DBT: variants seen among roughly 807,000 people sequenced by gnomAD.
DBT encodes lipoamide acyltransferase component of branched-chain alpha-keto acid dehydrogenase complex, mitochondrial.
DBT carries 40 observed loss-of-function variants against 51.3 expected under a neutral mutation model. The ratio of observed to expected loss-of-function variants is 0.78; its 90% CI spans 0.61 to 1.02. DBT has a LOEUF of 1.02. DBT is among the 50% of genes least tolerant of loss of function. The pLI is 0.00. For synonymous variants in DBT, 181 were observed against 190.4 expected (o/e 0.95, Z 0.41); for missense variants, 510 against 580.2 (o/e 0.88, Z 1.24).
intron 7 of DBT, among the ~76,000 whole-genome samples, chr1:100,211,998 C>A (rs1402350026): frequency 6.6e-6 from 1 of 152,168 alleles, no homozygotes; most frequent in East Asian, 1.9e-4. Flanking sequence ...TCTTGAACTC[C>A]TGAGCTCAAG....
rs1553231037 is a variant in DBT, at chr1:100,218,625, C to T, written c.555+1G>A. 1 of 1,613,798 alleles carries T rather than the reference C, an allele frequency of 6.2e-7. No homozygotes were observed. Among genetic ancestry groups the T allele is most frequent in the Non-Finnish European group, 8.5e-7 (1 of 1,179,822 alleles). On this transcript the variant is annotated splice_donor_variant, in intron 5 of 10. Transcript: ENST00000370132. LOFTEE classifies it high-confidence loss of function. Reference sequence around the variant, plus strand: ...CAGACTTAAATATTAAGAGAACTTACATTGTTTTCCATTGCCAGACGGCGA... The same window carrying T: ...CAGACTTAAATATTAAGAGAACTTATATTGTTTTCCATTGCCAGACGGCGA...
In DBT at chr1:100,235,505, C is replaced by T. The variant is rs199954954; in HGVS notation, c.182G>A (p.Arg61His). ...GAGCTTGAACTGAACAACCTGTCCA[C>T]GGAGAGCTTCAAAGACAAATGAGAA... ...HHFLKTTAAL[R>H]GQVVQFKLSD... Residue 61 changes from arginine to histidine, a missense_variant, in exon 3 of 11, where the codon CGT (arginine) becomes CAT (histidine). Arg to His is a conservative substitution (Grantham distance 29). Transcript: ENST00000370132. 19 of 1,572,652 alleles carry T rather than the reference C, an allele frequency of 1.2e-5. No individual in the cohort carries two copies. The highest frequency in any genetic ancestry group is 6.8e-5 in the African/African-American group (5 of 74,072).
intron 2 of DBT, among the ~76,000 whole-genome samples, chr1:100,240,310 T>C (rs1664134306): frequency 6.6e-6 from 1 of 152,212 alleles, no homozygotes; most frequent in Non-Finnish European, 1.5e-5. Context: ...TGCTGACTAT[T>C]GCACTTAGAT....
At chr1:100,197,311 G>T (rs1661172611) in intron 10 of DBT, among the ~76,000 whole-genome samples, 1 of 152,150 alleles carries the variant, frequency 6.6e-6, no homozygotes, top group Non-Finnish European at 1.5e-5. Flanking sequence ...GCAACTACTT[G>T]TCTTTGATTC....
intron 2 of DBT, among the ~76,000 whole-genome samples, chr1:100,237,754 A>G (rs1346639200): frequency 6.6e-6 from 1 of 152,090 alleles, no homozygotes; most frequent in Non-Finnish European, 1.5e-5. Flanking sequence ...CTCCCACCTC[A>G]GCTAGGACTA....
chr1:100,199,464 A>G (rs982028546), intron 10 of DBT, among the ~76,000 whole-genome samples: 9 of 152,232 alleles, frequency 5.9e-5, no homozygotes, highest in African/African-American at 1.7e-4. Context: ...TTAAGACTCA[A>G]TATCTGTGCC....
intron 2 of DBT, among the ~76,000 whole-genome samples, chr1:100,238,714 G>GC (rs1664045846): frequency 6.6e-6 from 1 of 152,104 alleles, no homozygotes; most frequent in Non-Finnish European, 1.5e-5. Context: ...GTTAAGCTAG[G>GC]CTAGTCTAGC....
At position 100,196,392 on chromosome 1, in the gene DBT, C is replaced by T. The variant is rs1010564612; in HGVS notation, c.1312G>A (p.Val438Ile). ...AIPRFNQKGE[V>I]YKAQIMNVSW... ...ACATTCATTATCTGTGCCTTATATA[C>T]TTCTCCTTTCTGGTTAAATCGGGGA... The change falls in exon 11 of 11, where the codon GTA becomes ATA. Residue 438 changes from valine to isoleucine, a missense_variant. Coordinates refer to ENST00000370132, the MANE Select transcript of DBT (RefSeq NM_001918.5). The T allele has an allele frequency of 2.9e-6, 4 of 1,374,918 alleles. No individual in the cohort carries two copies. The highest frequency in any genetic ancestry group is 3.9e-6 in the Non-Finnish European group (4 of 1,012,808). 85.2% of individuals were successfully genotyped at this position (1,374,918 alleles called of 1,614,324 possible). A position where few individuals can be genotyped will look rare whatever the true frequency, so the allele number is the denominator to read the frequency against.
chr1:100,227,375 C>T (rs1663282786), intron 4 of DBT, among the ~76,000 whole-genome samples: 1 of 152,138 alleles, frequency 6.6e-6, no homozygotes, highest in African/African-American at 2.4e-5. Context: ...ATTTTCTTTC[C>T]AGTAAGAACT....
intron 2 of DBT, among the ~76,000 whole-genome samples, chr1:100,237,715 T>C (rs1446071662): frequency 1.3e-5 from 2 of 152,128 alleles, no homozygotes; most frequent in Non-Finnish European, 2.9e-5. Flanking sequence ...CAGCTCATGA[T>C]AACTTCAAGT....
chr1:100,237,632 AATTT>A (rs1557959613), intron 2 of DBT, among the ~76,000 whole-genome samples: 1 of 152,000 alleles, frequency 6.6e-6, no homozygotes, highest in Non-Finnish European at 1.5e-5. Context: ...AGAAGTATAG[AATTT>A]ATTAATTTAT....
chr1:100,197,177 A>G (rs1661165704), intron 10 of DBT: 1 of 152,360 alleles, frequency 6.6e-6, no homozygotes, highest in Non-Finnish European at 1.5e-5. Flanking sequence ...ACTGCTATAA[A>G]AGTTTCTAAG....
Position 100,195,370 on chromosome 1 carries a change from CA to C in DBT, c.*884del, listed in dbSNP as rs1661030612. The C allele has an allele frequency of 6.6e-6, 1 of 152,506 alleles. No individual in the cohort carries two copies. The highest frequency in any genetic ancestry group is 1.5e-5 in the Non-Finnish European group (1 of 68,010). 9.4% of individuals were successfully genotyped at this position (152,506 alleles called of 1,614,324 possible). A position where few individuals can be genotyped will look rare whatever the true frequency, so the allele number is the denominator to read the frequency against. ...GACTGGTTATAAAACTATAATTGGA[CA>C]ATTTTAAGGCCAGTTTATACTTTTC... is the stretch of plus-strand genomic sequence containing the variant. On this transcript the variant is annotated 3_prime_UTR_variant, in exon 11 of 11. Transcript: ENST00000370132.
intron 4 of DBT, among the ~76,000 whole-genome samples, chr1:100,227,157 A>T (rs1369341308): frequency 3.9e-5 from 6 of 152,240 alleles, no homozygotes; most frequent in African/African-American, 4.8e-5. Context: ...ATATAAACAT[A>T]AAAGAAGTAT....
At chr1:100,235,394 T>G in intron 3 of DBT, 42 bp downstream of exon 3, 1 of 963,650 alleles carries the variant, frequency 1.0e-6, no homozygotes, top group Non-Finnish European at 1.7e-6. Context: ...TTACTCAAAT[T>G]ATTTTTAAAT....
At chr1:100,237,097 T>A (rs955576553) in intron 2 of DBT, among the ~76,000 whole-genome samples, 2 of 152,138 alleles carry the variant, frequency 1.3e-5, no homozygotes, top group Non-Finnish European at 2.9e-5. Context: ...ATAACAGAAG[T>A]GAAGTGTGAA....
chr1:100,214,683 G>A, intron 7 of DBT, 134 bp downstream of exon 7: 1 of 837,650 alleles, frequency 1.2e-6, no homozygotes, highest in East Asian at 2.7e-5. Context: ...AAACCCGGAA[G>A]GTGGAGGTTG....
At chr1:100,207,598 G>A (rs1661866001) in intron 8 of DBT, among the ~76,000 whole-genome samples, 1 of 152,038 alleles carries the variant, frequency 6.6e-6, no homozygotes, top group Non-Finnish European at 1.5e-5. Flanking sequence ...GACACAGAAG[G>A]ATTGCTTGAG....
chr1:100,200,738 G>A lies in DBT; in HGVS notation c.1282-4316C>T, dbSNP rs1570801109. Among the ~76,000 whole-genome samples, 3 of 152,196 alleles carry A rather than the reference G, an allele frequency of 2.0e-5. No individual in the cohort carries two copies. The East Asian group carries it at 5.8e-4, about 29-fold the overall frequency. ...AGGCAGCAATCTTTGCTGTTCTACA[G>A]CCTCCACTGGTGATACCCAGGCAAA... On this transcript the variant is annotated intron_variant, in intron 10 of 10. Coordinates refer to ENST00000370132, the MANE Select transcript of DBT (RefSeq NM_001918.5).
Sources: allele counts gnomAD v4.1 joint callset (sites outside exome capture counted in the v4.1 genomes callset), GRCh38; gene constraint gnomAD v4.1.1; transcripts MANE v1.5; gene names NCBI Gene and HGNC (gene_info 2026-07-23, HGNC 2026-07-21).